Variants in CHODL observed in about 807,000 individuals in gnomAD.
CHODL encodes transmembrane protein MT75.
In CHODL, 29 loss-of-function variants were observed where a neutral mutation model predicts 34.5. The ratio of observed to expected loss-of-function variants is 0.84; its 90% CI spans 0.63 to 1.15. The LOEUF (loss-of-function observed/expected upper bound fraction) is 1.15, where lower values mean the gene tolerates loss of function less well. Among genes scored for constraint, CHODL ranks in the 50% most tolerant of loss-of-function variants. The pLI is 0.00. For missense variants in CHODL, 332 were observed against 332.5 expected, an observed-to-expected ratio of 1.00 and a Z score of 0.01; for synonymous variants, 125 against 116.1, an observed-to-expected ratio of 1.08 and a Z score of -0.49.
chr21:18,263,328 ATTAC>A (rs1480990773), intron 5 of CHODL, among the ~76,000 whole-genome samples: 1 of 152,196 alleles, frequency 6.6e-6, no homozygotes, highest in Non-Finnish European at 1.5e-5. Flanking sequence ...TTCATTTTGT[ATTAC>A]TTTTCAAAAT....
Position 17,944,300 on chromosome 21 carries a change from C to G in CHODL, c.-145+26900C>G, listed in dbSNP as rs533659408. 4.8e-4 allele frequency among the ~76,000 whole-genome samples: 73 copies of G among 152,276 alleles called. 3 individuals are homozygous for G. In the South Asian group the frequency reaches 0.014, roughly 29 times the overall value. ...CTCAGAAAAGTTAAGTGGCTCTACA[C>G]CAGCCTAACCCAGAAAGGCAAGCAG... On this transcript the variant is annotated intron_variant, in intron 1 of 6. Transcript: ENST00000400127.
chr21:18,054,198 A>G (rs2064551567), intron 2 of CHODL, among the ~76,000 whole-genome samples: 1 of 151,942 alleles, frequency 6.6e-6, no homozygotes, highest in South Asian at 2.1e-4. Context: ...ATCCATATAC[A>G]TATACAGAGA....
At chr21:17,991,052 C>T (rs565582746) in intron 1 of CHODL, among the ~76,000 whole-genome samples, 52 of 152,026 alleles carry the variant, frequency 3.4e-4, no homozygotes, top group Non-Finnish European at 4.3e-4. Context: ...TGAGTGAGAA[C>T]GTTTGATATT....
In CHODL at chr21:18,189,629, A is replaced by AT. The variant is rs35604998; in HGVS notation, c.-44-66857dup. On this transcript the variant is annotated intron_variant, in intron 2 of 6. Transcript: ENST00000400127. ...TCAGATCAACTAATAGAAGTGGGCA[A>AT]TTTTTTTTTTTTTTTTTTTTTTTGA... Among the ~76,000 whole-genome samples, 444 of 94,500 alleles carry AT rather than the reference A, an allele frequency of 4.7e-3. 6 individuals are homozygous for AT. The highest frequency in any genetic ancestry group is 9.7e-3 in the Middle Eastern group (2 of 206). 62.0% of individuals were successfully genotyped at this position (94,500 alleles called of 152,430 possible). A position where few individuals can be genotyped will look rare whatever the true frequency, so the allele number is the denominator to read the frequency against.
chr21:18,176,347 T>G (rs2073311979), intron 2 of CHODL, among the ~76,000 whole-genome samples: 2 of 152,178 alleles, frequency 1.3e-5, no homozygotes, highest in Non-Finnish European at 2.9e-5. Context: ...TTTCATAAAA[T>G]CAAAGGCTAG....
intron 1 of CHODL, among the ~76,000 whole-genome samples, chr21:18,255,677 A>AT (rs1018428006): frequency 3.9e-5 from 6 of 152,122 alleles, no homozygotes; most frequent in Admixed American, 1.3e-4. Flanking sequence ...CTAAGCCATC[A>AT]TTTTTTTCAC....
At chr21:18,243,984 A>G (rs956987206), upstream of CHODL, among the ~76,000 whole-genome samples, 7 of 152,222 alleles carry the variant, frequency 4.6e-5, no homozygotes, top group Non-Finnish European at 7.3e-5. Context: ...CAGAGTTCAT[A>G]CTATGGACTT....
chr21:18,193,712 A>AAATAAATAAAT (rs1555881307), intron 2 of CHODL, among the ~76,000 whole-genome samples: 3 of 139,342 alleles, frequency 2.2e-5, no homozygotes, highest in African/African-American at 8.4e-5. Flanking sequence ...AAAAAAAAAT[A>AAATAAATAAAT]AAATAAATAA....
At chr21:17,947,207 C>A (rs2063417637) in intron 1 of CHODL, among the ~76,000 whole-genome samples, 1 of 152,076 alleles carries the variant, frequency 6.6e-6, no homozygotes, top group Non-Finnish European at 1.5e-5. Context: ...ATAGGAGGAA[C>A]TTCAGAAACT....
intron 2 of CHODL, among the ~76,000 whole-genome samples, chr21:18,125,330 T>C (rs1400605888): frequency 1.3e-5 from 2 of 152,236 alleles, no homozygotes; most frequent in Non-Finnish European, 2.9e-5. Context: ...GCTACTGTTA[T>C]GGATACTTGG....
At chr21:18,090,282 G>A (rs285946) in intron 2 of CHODL, among the ~76,000 whole-genome samples, 54,532 of 152,040 alleles carry the variant, frequency 0.36, 12,175 homozygotes, top group Non-Finnish European at 0.51. Flanking sequence ...GGGGTACCTA[G>A]AGTGGATAAT....
chr21:17,932,031 A>C (rs931383004), intron 1 of CHODL, among the ~76,000 whole-genome samples: 1 of 152,210 alleles, frequency 6.6e-6, no homozygotes, highest in Non-Finnish European at 1.5e-5. Context: ...ACAGAGTGGG[A>C]GAAAATATTT....
chr21:18,169,026 C>T (rs1040609085), intron 2 of CHODL, among the ~76,000 whole-genome samples: 1 of 152,132 alleles, frequency 6.6e-6, no homozygotes, highest in Middle Eastern at 3.4e-3. Flanking sequence ...TCTGGTAATA[C>T]AGGCCTTAGA....
At chr21:18,168,527 A>G (rs73202921) in intron 2 of CHODL, among the ~76,000 whole-genome samples, 15,004 of 152,268 alleles carry the variant, frequency 0.099, 950 homozygotes, top group South Asian at 0.17. Context: ...ATGATTAATG[A>G]TATTAGACAT....
At chr21:18,008,531 C>A (rs926319743) in intron 1 of CHODL, among the ~76,000 whole-genome samples, 5 of 152,120 alleles carry the variant, frequency 3.3e-5, no homozygotes, top group African/African-American at 1.2e-4. Context: ...CTTCTGGCAA[C>A]CACCATTTTA....
At chr21:18,231,746 C>CT (rs1296328543) in intron 2 of CHODL, among the ~76,000 whole-genome samples, 1 of 152,002 alleles carries the variant, frequency 6.6e-6, no homozygotes, top group Non-Finnish European at 1.5e-5. Flanking sequence ...CTCCTCAGGC[C>CT]TTAACCAAAG....
At chr21:17,919,323 C>A (rs2063165882) in intron 1 of CHODL, among the ~76,000 whole-genome samples, 1 of 152,218 alleles carries the variant, frequency 6.6e-6, no homozygotes, top group African/African-American at 2.4e-5. Context: ...TCTGCCCGGG[C>A]ATCCAGGCAT....
chr21:18,118,634 C>A (rs1013771354), intron 2 of CHODL, among the ~76,000 whole-genome samples: 4 of 152,146 alleles, frequency 2.6e-5, no homozygotes, highest in African/African-American at 9.7e-5. Flanking sequence ...CTGTATGGGA[C>A]TGACAATTCT....
intron 1 of CHODL, among the ~76,000 whole-genome samples, chr21:18,020,316 A>C (rs780834446): frequency 1.3e-5 from 2 of 152,182 alleles, no homozygotes; most frequent in Non-Finnish European, 2.9e-5. Context: ...TTGTAGTCTA[A>C]GTCAAGGAAA....
Sources: gnomAD v4.1 joint callset for allele counts (sites outside exome capture counted in the v4.1 genomes callset) on GRCh38, gnomAD v4.1.1 for gene constraint, MANE v1.5 for transcripts, NCBI Gene and HGNC (gene_info 2026-07-23, HGNC 2026-07-21) for gene names.